The following RBFOX1 variants were observed in gnomAD, a reference collection of about 807,000 sequenced individuals.
The protein encoded by RBFOX1 is RNA binding fox-1 homolog 1.
In RBFOX1, 8 loss-of-function variants were observed where a neutral mutation model predicts 57.7. The ratio of observed to expected loss-of-function variants is 0.14; its 90% CI spans 0.08 to 0.25. The LOEUF is 0.25. Among genes scored for constraint, RBFOX1 ranks in the 10% least tolerant of loss-of-function variants. The pLI, the probability that RBFOX1 is intolerant of heterozygous loss-of-function variation, is 1.00. For missense variants in RBFOX1, 611 were observed against 548.5 expected, an observed-to-expected ratio of 1.11 and a Z score of -1.14; for synonymous variants, 326 against 222.4, an observed-to-expected ratio of 1.47 and a Z score of -4.15.
rs529190440 is a variant in RBFOX1 at position 5,527,219 on chromosome 16, C to T, written c.258+59965C>T. On this transcript the variant is annotated intron_variant, in intron 2 of 2. Transcript: ENST00000585867. ...TCTGCTGTGTTGTCCTGATGAGGAC[C>T]CGCGATGGGCCCTGGGAATTCCAGA... 7.9e-5 allele frequency among the ~76,000 whole-genome samples: 12 copies of T among 152,268 alleles called. 1 individual carries two copies. Among genetic ancestry groups the T allele is most frequent in the African/African-American group, 2.9e-4 (12 of 41,560 alleles).
intron 2 of RBFOX1, among the ~76,000 whole-genome samples, chr16:5,470,866 T>A (rs991958435): frequency 6.6e-6 from 1 of 152,110 alleles, no homozygotes; most frequent in Non-Finnish European, 1.5e-5. Context: ...TATTATTATT[T>A]CTGAGACGGA....
intron 2 of RBFOX1, among the ~76,000 whole-genome samples, chr16:6,594,468 C>G (rs951064085): frequency 1.3e-5 from 2 of 152,082 alleles, no homozygotes; most frequent in Non-Finnish European, 2.9e-5. Flanking sequence ...GCAATAAATG[C>G]CCCAGGTGAA....
chr16:6,641,911 T>C (rs1443228588), intron 2 of RBFOX1, among the ~76,000 whole-genome samples: 1 of 152,130 alleles, frequency 6.6e-6, no homozygotes, highest in Admixed American at 6.6e-5. Flanking sequence ...CTGACCCAGT[T>C]AGGGCTTCTT....
At chr16:5,624,956 C>G (rs927139076) in intron 3 of RBFOX1, among the ~76,000 whole-genome samples, 1 of 152,158 alleles carries the variant, frequency 6.6e-6, no homozygotes, top group Non-Finnish European at 1.5e-5. Context: ...AGGGACCCCA[C>G]CCGGATTTGG....
At chr16:7,607,172 C>G (rs1260537337) in intron 9 of RBFOX1, 113 bp from the exon 10 acceptor site, 14 of 952,870 alleles carry the variant, frequency 1.5e-5, no homozygotes, top group African/African-American at 6.7e-5. Flanking sequence ...ACCTCCTTTA[C>G]ATTTTAAAAT....
chr16:7,324,895 G>C (rs562799540), intron 4 of RBFOX1, among the ~76,000 whole-genome samples: 16 of 152,268 alleles, frequency 1.1e-4, no homozygotes, highest in African/African-American at 3.4e-4. Flanking sequence ...AATTGAACTT[G>C]ATATCCTTTT....
intron 3 of RBFOX1, among the ~76,000 whole-genome samples, chr16:6,787,926 G>A (rs2154244401): frequency 1.3e-5 from 2 of 152,260 alleles, no homozygotes; most frequent in South Asian, 2.1e-4. Flanking sequence ...TAAACAGCTG[G>A]TGAAAGGCCA....
intron 4 of RBFOX1, among the ~76,000 whole-genome samples, chr16:7,089,334 A>C (rs780866971): frequency 5.9e-5 from 9 of 152,222 alleles, no homozygotes; most frequent in African/African-American, 9.6e-5. Context: ...GAATTCTCAT[A>C]ACATTTATTT....
chr16:7,001,925 G>T (rs185755131), intron 3 of RBFOX1, among the ~76,000 whole-genome samples: 18 of 152,250 alleles, frequency 1.2e-4, no homozygotes, highest in Admixed American at 4.6e-4. Flanking sequence ...TAGAAGATCA[G>T]TTCTACTTTT....
chr16:5,509,596 G>C (rs2043506900), intron 2 of RBFOX1, among the ~76,000 whole-genome samples: 1 of 152,226 alleles, frequency 6.6e-6, no homozygotes, highest in East Asian at 1.9e-4. Context: ...TCACAGAGCA[G>C]TGAGGGGCCC....
At chr16:7,285,211 C>G (rs139282280) in intron 4 of RBFOX1, among the ~76,000 whole-genome samples, 24 of 147,858 alleles carry the variant, frequency 1.6e-4, no homozygotes, top group African/African-American at 4.5e-4. Context: ...ATTGCAGATT[C>G]ACATGCAGCT....
chr16:7,018,108 C>A (rs564979494), intron 3 of RBFOX1, among the ~76,000 whole-genome samples: 1 of 152,168 alleles, frequency 6.6e-6, no homozygotes, highest in South Asian at 2.1e-4. Context: ...CTCTGTGGAG[C>A]ATCTAGGTCT....
At chr16:6,498,579 A>C (rs1444289938) in intron 2 of RBFOX1, among the ~76,000 whole-genome samples, 1 of 152,158 alleles carries the variant, frequency 6.6e-6, no homozygotes, top group Non-Finnish European at 1.5e-5. Context: ...ATGATAGGCT[A>C]TAAACTTCAT....
intron 4 of RBFOX1, among the ~76,000 whole-genome samples, chr16:5,955,558 A>G (rs531033100): frequency 1.3e-5 from 2 of 152,244 alleles, no homozygotes; most frequent in East Asian, 1.9e-4. Flanking sequence ...AACACCTACA[A>G]TATGGTAAAT....
chr16:6,800,774 T>A (rs1356447383), intron 3 of RBFOX1, among the ~76,000 whole-genome samples: 1 of 152,162 alleles, frequency 6.6e-6, no homozygotes, highest in South Asian at 2.1e-4. Flanking sequence ...AAGCAGTAGA[T>A]GACAAAGTAG....
chr16:6,477,442 A>T (rs2095291144), intron 2 of RBFOX1, among the ~76,000 whole-genome samples: 2 of 152,206 alleles, frequency 1.3e-5, no homozygotes, highest in Admixed American at 6.5e-5. Context: ...CTTTCCGGTG[A>T]CCAGATGTGT....
At chr16:5,989,262 C>T (rs549643384) in intron 4 of RBFOX1, among the ~76,000 whole-genome samples, 61 of 151,834 alleles carry the variant, frequency 4.0e-4, no homozygotes, top group Admixed American at 1.9e-3. Flanking sequence ...ACCCGGGAGG[C>T]GGAGTTTACA....
chr16:6,079,553 G>C (rs1415682737), intron 1 of RBFOX1, among the ~76,000 whole-genome samples: 1 of 151,792 alleles, frequency 6.6e-6, no homozygotes, highest in Non-Finnish European at 1.5e-5. Flanking sequence ...CAAACTCCTG[G>C]GCTCAACTGA....
chr16:7,067,939 C>T (rs1421757068), intron 4 of RBFOX1, among the ~76,000 whole-genome samples: 7 of 146,736 alleles, frequency 4.8e-5, no homozygotes, highest in Admixed American at 2.0e-4. Context: ...TTCCTAGTGT[C>T]TAGAGGGCGC....
Sources: gnomAD v4.1 joint callset for allele counts (sites outside exome capture counted in the v4.1 genomes callset) on GRCh38, gnomAD v4.1.1 for gene constraint, MANE v1.5 for transcripts, NCBI Gene and HGNC (gene_info 2026-07-23, HGNC 2026-07-21) for gene names.